Variants in C5 observed in about 807,000 individuals in gnomAD.
C5 encodes the protein complement C5.
C5 carries 140 observed loss-of-function variants against 218.8 expected under a neutral mutation model. The ratio of observed to expected loss-of-function variants is 0.64; its 90% confidence interval spans 0.56 to 0.74. The LOEUF is 0.74. Ranked by LOEUF, C5 falls within the 30% of genes least tolerant of loss-of-function variation. The probability of loss-of-function intolerance (pLI) is 0.00; values close to 1 mark genes in which losing one functional copy is unlikely to be tolerated. For synonymous variants in C5, 614 were observed against 682.3 expected (o/e 0.90, Z 1.56); for missense variants, 1,700 against 1,969.6 (o/e 0.86, Z 2.59).
At chr9:121,028,098 C>T (rs1189870852) in intron 7 of C5, among the ~76,000 whole-genome samples, 1 of 152,174 alleles carries the variant, frequency 6.6e-6, no homozygotes, top group African/African-American at 2.4e-5. Flanking sequence ...AAAAAATGCT[C>T]ATCATCACTG....
Position 120,980,189 on chromosome 9 carries a change from G to C in C5, c.3552C>G (p.Ser1184Arg). 1 of 1,614,000 alleles carries C rather than the reference G, an allele frequency of 6.2e-7. No individual in the cohort carries two copies. The highest frequency in any genetic ancestry group is 8.5e-7 in the Non-Finnish European group (1 of 1,179,932). ...ACGCAGAAATGGCCAATGTAAAGGTGCTCTGGGCTGGCAGTGTATTTTCAA... is the reference window on the plus strand; with the variant it reads ...ACGCAGAAATGGCCAATGTAAAGGTCCTCTGGGCTGGCAGTGTATTTTCAA... ...FLLENTLPAQ[S>R]TFTLAISAYA... is the part of the protein sequence containing the mutation. The change falls in exon 28 of 41, where the codon AGC becomes AGG. Residue 1184 changes from serine to arginine, a missense_variant. By Grantham distance (110) the Ser-to-Arg change is moderately radical. Transcript: ENST00000223642.
intron 12 of C5, among the ~76,000 whole-genome samples, chr9:121,018,747 AAGG>A (rs775377344): frequency 0.026 from 2,060 of 78,328 alleles, 103 homozygotes; most frequent in Middle Eastern, 0.12. Context: ...GAAGGAAAGG[AAGG>A]AAGGAAGGAA....
the C5 span, among the ~76,000 whole-genome samples, chr9:121,067,440 C>G: frequency 6.6e-6 from 1 of 150,774 alleles, no homozygotes; most frequent in Non-Finnish European, 1.5e-5. Context: ...GGTGCGTGCC[C>G]ATAGTCCCAG....
At chr9:120,962,294 A>G (rs1024245918) in intron 36 of C5, among the ~76,000 whole-genome samples, 10 of 152,250 alleles carry the variant, frequency 6.6e-5, no homozygotes, top group Non-Finnish European at 2.9e-5. Context: ...TGCAAAGTGT[A>G]ACAAGAATAT....
At chr9:121,033,402 T>C (rs1362793147) in intron 5 of C5, among the ~76,000 whole-genome samples, 2 of 152,204 alleles carry the variant, frequency 1.3e-5, no homozygotes, top group Non-Finnish European at 1.5e-5. Flanking sequence ...CATCCAGGAA[T>C]AGCCTTTTTG....
rs1187740820 is a variant in C5, at chr9:121,017,517, A to T, written c.1717-6T>A. ...GCATCAGGAGACAGATGAACCTAAA[A>T]GTTCATTTGAAAAAGAAAAGAAAAG... On this transcript the variant is annotated splice_region_variant and splice_polypyrimidine_tract_variant and intron_variant, in intron 13 of 40. Coordinates refer to ENST00000223642, the MANE Select transcript of C5 (RefSeq NM_001735.3). 1.2e-6 allele frequency: 2 copies of T among 1,613,474 alleles called. No individual in the cohort carries two copies. The highest frequency in any genetic ancestry group is 8.5e-7 in the Non-Finnish European group (1 of 1,179,732).
intron 18 of C5, among the ~76,000 whole-genome samples, 172 bp from the exon 19 acceptor site, chr9:121,007,149 A>C (rs533397705): frequency 1.8e-4 from 28 of 152,278 alleles, no homozygotes; most frequent in Middle Eastern, 3.4e-3. Flanking sequence ...ATATTCAGTA[A>C]CTCTCTTATA....
At chr9:121,074,326 G>A in the C5 span, among the ~76,000 whole-genome samples, 1 of 152,198 alleles carries the variant, frequency 6.6e-6, no homozygotes, top group Non-Finnish European at 1.5e-5. Flanking sequence ...TCATGGGCAA[G>A]CCCCAGATGA....
intron 38 of C5, among the ~76,000 whole-genome samples, chr9:120,958,011 G>GGT: frequency 6.6e-6 from 1 of 152,154 alleles, no homozygotes; most frequent in African/African-American, 2.4e-5. Flanking sequence ...TTTCTATGTG[G>GGT]CCTCAGGAGA....
chr9:121,027,293 A>G lies in C5; in HGVS notation c.759-19T>C. On this transcript the variant is annotated intron_variant, in intron 7 of 40. Transcript: ENST00000223642. ...AAAATATCTGTCAGACAATAGCATA[A>G]AACTGTTTTACTAACATGGTTACAA... The G allele has an allele frequency of 8.8e-7, 1 of 1,140,750 alleles. No homozygotes were observed. The highest frequency in any genetic ancestry group is 1.3e-6 in the Non-Finnish European group (1 of 758,352). The allele number at this position is 1,140,750 out of a possible 1,614,324, so 70.7% of individuals were successfully genotyped here.
chr9:121,027,327 T>C, intron 7 of C5, 53 bp from the exon 8 acceptor site: 1 of 873,222 alleles, frequency 1.1e-6, no homozygotes, highest in East Asian at 2.5e-5. Context: ...AATAACAGGA[T>C]TCAGATAAAA....
At chr9:120,992,271 T>C (rs1047216168) in intron 22 of C5, among the ~76,000 whole-genome samples, 3 of 152,232 alleles carry the variant, frequency 2.0e-5, no homozygotes, top group African/African-American at 7.2e-5. Context: ...CCTTGATAAA[T>C]GCAGAGGATA....
rs541239277 is a variant in C5 at position 120,993,615 on chromosome 9, G to T, written c.2852-2335C>A. Among the ~76,000 whole-genome samples, 21 of 152,116 alleles carry T rather than the reference G, an allele frequency of 1.4e-4. No homozygotes were observed. In the East Asian group the frequency reaches 3.9e-3, roughly 28 times the overall value. On this transcript the variant is annotated intron_variant, in intron 22 of 40. Coordinates refer to ENST00000223642, the MANE Select transcript of C5 (RefSeq NM_001735.3). ...TTTTTTGTATTTTTAGTAGAGACGG[G>T]GTTTCACCGTTTTAGCCAGGATGGT...
chr9:121,072,507 A>G, the C5 span, among the ~76,000 whole-genome samples: 4 of 152,208 alleles, frequency 2.6e-5, no homozygotes, highest in Non-Finnish European at 4.4e-5. Context: ...AACTTCGATT[A>G]AAAATGAATG....
intron 6 of C5, 27 bp from the exon 7 acceptor site, chr9:121,030,514 T>C (rs2047465218): frequency 1.5e-6 from 2 of 1,374,498 alleles, no homozygotes; most frequent in Middle Eastern, 1.8e-4. Context: ...ACAGGTAATA[T>C]TACCATTTTG....
At chr9:121,033,013 G>GGTGT (rs370287463) in intron 5 of C5, among the ~76,000 whole-genome samples, 3 of 143,174 alleles carry the variant, frequency 2.1e-5, no homozygotes, top group East Asian at 2.0e-4. Context: ...AAAAACTATG[G>GGTGT]GTGTGTGTGT....
intron 33 of C5, among the ~76,000 whole-genome samples, chr9:120,964,913 A>G (rs902607376): frequency 1.3e-5 from 2 of 152,166 alleles, no homozygotes; most frequent in Non-Finnish European, 2.9e-5. Context: ...AGCTACCATT[A>G]AGAGATGTTA....
At chr9:120,994,369 G>A (rs1163063113) in intron 22 of C5, among the ~76,000 whole-genome samples, 1 of 152,098 alleles carries the variant, frequency 6.6e-6, no homozygotes, top group Admixed American at 6.5e-5. Flanking sequence ...GGTCACTTGA[G>A]GTAAGGAGTT....
At chr9:120,975,068 G>C in intron 29 of C5, 137 bp from the exon 30 acceptor site, 1 of 912,724 alleles carries the variant, frequency 1.1e-6, no homozygotes, top group Non-Finnish European at 1.8e-6. Context: ...GACTGGTTAA[G>C]AGCCCCATTG....
Sources: allele counts gnomAD v4.1 joint callset (sites outside exome capture counted in the v4.1 genomes callset), GRCh38; gene constraint gnomAD v4.1.1; transcripts MANE v1.5; gene names NCBI Gene and HGNC (gene_info 2026-07-23, HGNC 2026-07-21).